The following CDH18 variants were observed in gnomAD, a reference collection of about 807,000 sequenced individuals.
CDH18 encodes the protein cadherin 18.
Under a neutral mutation model 67.9 loss-of-function variants are expected in CDH18, and 31 were observed. The ratio of observed to expected loss-of-function variants is 0.46; its 90% CI spans 0.34 to 0.62. CDH18 has a LOEUF of 0.62. CDH18 is among the 20% of genes least tolerant of loss of function. CDH18 has a pLI of 0.01. For missense variants in CDH18, 890 were observed against 975.5 expected (o/e 0.91, Z 1.17); for synonymous variants, 362 against 347.2 (o/e 1.04, Z -0.48).
rs947271630 is a variant in CDH18, at chr5:20,382,699, C to A, written c.-579-127194G>T. Among the ~76,000 whole-genome samples, 10 of 152,070 alleles carry A rather than the reference C, an allele frequency of 6.6e-5. No homozygotes were observed. In the East Asian group the frequency reaches 1.9e-3, roughly 29 times the overall value. On this transcript the variant is annotated intron_variant, in intron 1 of 14. Coordinates refer to the CDH18 transcript ENST00000507958. ...GTGACAGAAGCAATAAACGTGATGT[C>A]CCTGAATATTACAAAGAGGAAGCAA...
chr5:20,204,630 C>T (rs143233174), intron 2 of CDH18, among the ~76,000 whole-genome samples: 1,645 of 152,006 alleles, frequency 0.011, 31 homozygotes, highest in African/African-American at 0.037. Context: ...ATGTGTAATT[C>T]ACTAATAACT....
intron 5 of CDH18, among the ~76,000 whole-genome samples, chr5:19,651,127 C>G (rs557150825): frequency 6.6e-6 from 1 of 151,910 alleles, no homozygotes; most frequent in Non-Finnish European, 1.5e-5. Context: ...CAATCAAAGA[C>G]GATGTGTGTG....
chr5:20,150,939 T>C (rs1751047794), intron 2 of CDH18, among the ~76,000 whole-genome samples: 1 of 152,122 alleles, frequency 6.6e-6, no homozygotes, highest in Non-Finnish European at 1.5e-5. Context: ...TATATTTCTA[T>C]GTTTTATTCT....
intron 2 of CDH18, among the ~76,000 whole-genome samples, chr5:20,035,793 G>T (rs1739809438): frequency 6.6e-6 from 1 of 151,952 alleles, no homozygotes; most frequent in Admixed American, 6.6e-5. Flanking sequence ...ATATTAACTT[G>T]CTGAGAGTGA....
intron 3 of CDH18, among the ~76,000 whole-genome samples, chr5:19,776,120 A>C (rs1475595960): frequency 6.6e-6 from 1 of 152,214 alleles, no homozygotes; most frequent in Non-Finnish European, 1.5e-5. Flanking sequence ...TGAAAAAAAT[A>C]CTATCTTGGA....
At chr5:20,217,296 C>G (rs1006072934) in intron 2 of CDH18, among the ~76,000 whole-genome samples, 9 of 151,504 alleles carry the variant, frequency 5.9e-5, no homozygotes, top group African/African-American at 2.2e-4. Context: ...ATGAACCCAT[C>G]AAAAATAATA....
At chr5:19,672,957 CCTTTT>C (rs546171414) in intron 5 of CDH18, among the ~76,000 whole-genome samples, 232 of 152,000 alleles carry the variant, frequency 1.5e-3, no homozygotes, top group Non-Finnish European at 2.6e-3. Context: ...TCAGAAATGA[CCTTTT>C]CTTAAGACAC....
At chr5:19,824,210 T>A (rs1489840610) in intron 3 of CDH18, among the ~76,000 whole-genome samples, 2 of 152,158 alleles carry the variant, frequency 1.3e-5, no homozygotes, top group Non-Finnish European at 2.9e-5. Context: ...GAAGCTCATG[T>A]GTGCTCCTCT....
intron 1 of CDH18, among the ~76,000 whole-genome samples, chr5:20,531,632 A>G (rs1756404338): frequency 6.6e-6 from 1 of 151,350 alleles, no homozygotes; most frequent in African/African-American, 2.5e-5. Context: ...AGCAACTAAC[A>G]CAGGAACACA....
intron 5 of CDH18, among the ~76,000 whole-genome samples, chr5:19,685,321 C>T (rs771023238): frequency 3.3e-5 from 5 of 152,180 alleles, no homozygotes; most frequent in African/African-American, 4.8e-5. Flanking sequence ...CTTTCCTCTA[C>T]TAGACACCTT....
intron 1 of CDH18, among the ~76,000 whole-genome samples, chr5:20,419,288 C>T (rs1473625342): frequency 1.3e-5 from 2 of 151,920 alleles, no homozygotes; most frequent in Non-Finnish European, 2.9e-5. Flanking sequence ...TCTTTTTCTA[C>T]CGAGTCTTGA....
chr5:20,299,518 T>A (rs1259367234), intron 1 of CDH18, among the ~76,000 whole-genome samples: 1 of 151,774 alleles, frequency 6.6e-6, no homozygotes, highest in African/African-American at 2.4e-5. Flanking sequence ...TCCAGCACTT[T>A]GGGAGCCCGA....
At chr5:20,234,739 T>G (rs1426427728) in intron 2 of CDH18, among the ~76,000 whole-genome samples, 2 of 152,142 alleles carry the variant, frequency 1.3e-5, no homozygotes, top group Non-Finnish European at 2.9e-5. Context: ...AAAAAAATTC[T>G]GTAGAGCAAC....
At chr5:20,433,463 G>T (rs1010073538) in intron 1 of CDH18, among the ~76,000 whole-genome samples, 4 of 151,968 alleles carry the variant, frequency 2.6e-5, no homozygotes, top group African/African-American at 9.7e-5. Flanking sequence ...GCAAATAAGA[G>T]ACACTGTAAA....
chr5:19,838,650 A>T, intron 3 of CDH18, 109 bp downstream of exon 3: 1 of 686,858 alleles, frequency 1.5e-6, no homozygotes, highest in Non-Finnish European at 2.5e-6. Flanking sequence ...TCACTCTACA[A>T]CATAATTTGC....
At chr5:19,939,712 T>C (rs1374317017) in intron 2 of CDH18, among the ~76,000 whole-genome samples, 1 of 151,864 alleles carries the variant, frequency 6.6e-6, no homozygotes, top group Non-Finnish European at 1.5e-5. Context: ...ATTTATATAA[T>C]GTAAAGCAAA....
intron 5 of CDH18, among the ~76,000 whole-genome samples, chr5:19,709,099 A>C (rs1764363469): frequency 6.6e-6 from 1 of 152,134 alleles, no homozygotes; most frequent in African/African-American, 2.4e-5. Context: ...ATCACTTGCC[A>C]TGGCAGTGGC....
chr5:19,981,680 T>C (rs1176110736), intron 1 of CDH18, among the ~76,000 whole-genome samples: 1 of 152,194 alleles, frequency 6.6e-6, no homozygotes, highest in Non-Finnish European at 1.5e-5. Context: ...CACATTCAGA[T>C]CATAACACTC....
At chr5:19,927,688 A>G (rs1051593589) in intron 2 of CDH18, among the ~76,000 whole-genome samples, 1 of 152,126 alleles carries the variant, frequency 6.6e-6, no homozygotes, top group African/African-American at 2.4e-5. Flanking sequence ...AATTTTTTGG[A>G]GATTATGTAT....
Sources: allele counts gnomAD v4.1 joint callset (sites outside exome capture counted in the v4.1 genomes callset), GRCh38; gene constraint gnomAD v4.1.1; transcripts MANE v1.5; gene names NCBI Gene and HGNC (gene_info 2026-07-23, HGNC 2026-07-21).